SLC35F1: variants seen among roughly 807,000 people sequenced by gnomAD.
The protein encoded by SLC35F1 is chromosome 6 open reading frame 169.
SLC35F1 carries 14 observed loss-of-function variants against 48.7 expected under a neutral mutation model. The observed-to-expected ratio is 0.29, with a 90% CI of 0.19 to 0.45. The LOEUF (loss-of-function observed/expected upper bound fraction) is 0.45. Ranked by LOEUF, SLC35F1 falls within the 20% of genes least tolerant of loss-of-function variation. SLC35F1 has a pLI of 1.00. For missense variants in SLC35F1, 404 were observed against 500.0 expected, an observed-to-expected ratio of 0.81 and a Z score of 1.83; for synonymous variants, 190 against 202.2, an observed-to-expected ratio of 0.94 and a Z score of 0.51.
At chr6:117,996,587 C>T (rs1009402356) in intron 1 of SLC35F1, among the ~76,000 whole-genome samples, 2 of 152,154 alleles carry the variant, frequency 1.3e-5, no homozygotes, top group African/African-American at 2.4e-5. Context: ...GACAAAACTT[C>T]CAGAGGAACA....
chr6:118,178,772 TG>T (rs1217333572), intron 2 of SLC35F1, among the ~76,000 whole-genome samples: 1 of 152,112 alleles, frequency 6.6e-6, no homozygotes, highest in Non-Finnish European at 1.5e-5. Context: ...AGAGTGGGTT[TG>T]TGCACTAAAA....
intron 5 of SLC35F1, among the ~76,000 whole-genome samples, chr6:118,277,268 G>A (rs376133774): frequency 2.0e-5 from 3 of 152,178 alleles, no homozygotes; most frequent in Non-Finnish European, 4.4e-5. Flanking sequence ...AGGGTTGAGC[G>A]CCCCAGGGCC....
At chr6:118,068,740 A>G (rs1480677757) in intron 1 of SLC35F1, among the ~76,000 whole-genome samples, 1 of 152,194 alleles carries the variant, frequency 6.6e-6, no homozygotes, top group African/African-American at 2.4e-5. Flanking sequence ...GCCTATGTTA[A>G]GCATTCTGCG....
At chr6:117,922,529 A>G (rs1213458889) in intron 1 of SLC35F1, among the ~76,000 whole-genome samples, 1 of 152,214 alleles carries the variant, frequency 6.6e-6, no homozygotes, top group Non-Finnish European at 1.5e-5. Context: ...GTATTCATGG[A>G]GTACAAGTGC....
chr6:118,255,075 A>G (rs1775625463), intron 3 of SLC35F1, among the ~76,000 whole-genome samples: 1 of 152,142 alleles, frequency 6.6e-6, no homozygotes, highest in Admixed American at 6.6e-5. Flanking sequence ...CACAGATGCT[A>G]GATTGATTTG....
rs751432820 is a variant in SLC35F1, at chr6:118,314,068, T to C, written c.1043T>C (p.Ile348Thr). Residue 348 changes from isoleucine to threonine, a missense_variant, in exon 8 of 8, where the codon ATT becomes ACT. Transcript: ENST00000360388. ...CTCCTGTCTTTCTTCACCATCCTCA[T>C]TGGGCTGGTGCTCTACTCCTCCACC... is the stretch of plus-strand genomic sequence containing the variant. ...LYLLSFFTIL[I>T]GLVLYSSTST... The C allele has an allele frequency of 1.2e-5, 20 of 1,614,202 alleles. No individual in the cohort carries two copies. The highest frequency in any genetic ancestry group is 1.7e-5 in the Non-Finnish European group (20 of 1,180,028).
chr6:117,999,890 C>T (rs1190810926), intron 1 of SLC35F1, among the ~76,000 whole-genome samples: 3 of 151,354 alleles, frequency 2.0e-5, no homozygotes, highest in Admixed American at 6.6e-5. Context: ...CCTCCCAAGA[C>T]TAAACCAGGA....
intron 1 of SLC35F1, among the ~76,000 whole-genome samples, chr6:118,010,430 C>T (rs1413435752): frequency 2.0e-5 from 3 of 152,142 alleles, no homozygotes; most frequent in Non-Finnish European, 2.9e-5. Flanking sequence ...TCAGAGCTGA[C>T]TAATACATCC....
intron 2 of SLC35F1, among the ~76,000 whole-genome samples, chr6:118,212,922 A>G (rs1775025488): frequency 6.6e-6 from 1 of 152,206 alleles, no homozygotes. Flanking sequence ...TTTGAACATC[A>G]TTTATATCAG....
intron 1 of SLC35F1, chr6:117,999,375 A>G: frequency 6.3e-7 from 1 of 1,584,536 alleles, no homozygotes; most frequent in Non-Finnish European, 8.6e-7. Context: ...ACCAAGGCCC[A>G]GGCTGCAGCT....
intron 2 of SLC35F1, among the ~76,000 whole-genome samples, chr6:118,180,003 A>T (rs1774550103): frequency 6.6e-6 from 1 of 152,186 alleles, no homozygotes; most frequent in Non-Finnish European, 1.5e-5. Context: ...CTAGGATGAA[A>T]TCTGTCCCAT....
intron 2 of SLC35F1, among the ~76,000 whole-genome samples, chr6:118,226,631 C>G (rs1775222438): frequency 6.6e-6 from 1 of 152,132 alleles, no homozygotes; most frequent in Non-Finnish European, 1.5e-5. Context: ...TGCATGTTCT[C>G]ACTCATACAT....
In SLC35F1 at chr6:118,203,142, C is replaced by T. The variant is rs75371252; in HGVS notation, c.350-32367C>T. Among the ~76,000 whole-genome samples, 731 of 152,292 alleles carry T rather than the reference C, an allele frequency of 4.8e-3. 3 individuals carry two copies. Among genetic ancestry groups the T allele is most frequent in the African/African-American group, 0.017 (693 of 41,546 alleles). ...CTAATGACTGAGTTGAGAGTTTCCACGTTCTCTCCTCATATTCACTCCTAA... is the reference window on the plus strand; with the variant it reads ...CTAATGACTGAGTTGAGAGTTTCCATGTTCTCTCCTCATATTCACTCCTAA... On this transcript the variant is annotated intron_variant, in intron 2 of 7. Coordinates refer to ENST00000360388, the MANE Select transcript of SLC35F1 (RefSeq NM_001029858.4).
intron 1 of SLC35F1, among the ~76,000 whole-genome samples, chr6:118,108,157 C>T (rs1399849812): frequency 6.6e-6 from 1 of 152,158 alleles, no homozygotes; most frequent in South Asian, 2.1e-4. Flanking sequence ...GATTCACACA[C>T]ACACACACAA....
chr6:117,941,862 T>A (rs1776237732), intron 1 of SLC35F1, among the ~76,000 whole-genome samples: 2 of 152,198 alleles, frequency 1.3e-5, no homozygotes, highest in African/African-American at 4.8e-5. Context: ...ATGGAAAACC[T>A]GGATAAAATT....
intron 2 of SLC35F1, among the ~76,000 whole-genome samples, chr6:118,215,945 T>C (rs1775065452): frequency 6.6e-6 from 1 of 152,220 alleles, no homozygotes; most frequent in Admixed American, 6.5e-5. Context: ...TGACAGGCAA[T>C]GGCAGATGTT....
At chr6:117,940,807 C>A (rs552964133) in intron 1 of SLC35F1, among the ~76,000 whole-genome samples, 1 of 152,044 alleles carries the variant, frequency 6.6e-6, no homozygotes, top group South Asian at 2.1e-4. Context: ...TGCCGCCACA[C>A]CCATATAATT....
At chr6:117,961,952 C>A (rs1027333705) in intron 1 of SLC35F1, among the ~76,000 whole-genome samples, 2 of 152,130 alleles carry the variant, frequency 1.3e-5, no homozygotes, top group Non-Finnish European at 2.9e-5. Flanking sequence ...TATATCAGAA[C>A]TCAGTTTATG....
At chr6:118,125,895 G>A (rs1223359904) in intron 1 of SLC35F1, among the ~76,000 whole-genome samples, 1 of 152,208 alleles carries the variant, frequency 6.6e-6, no homozygotes, top group African/African-American at 2.4e-5. Flanking sequence ...GCCTGGAGCA[G>A]CTCTTGGGCT....
Sources: allele counts gnomAD v4.1 joint callset (sites outside exome capture counted in the v4.1 genomes callset), GRCh38; gene constraint gnomAD v4.1.1; transcripts MANE v1.5; gene names NCBI Gene and HGNC (gene_info 2026-07-23, HGNC 2026-07-21).